Variants in RAB29 observed in about 807,000 individuals in gnomAD.
RAB29 encodes the protein ras-related protein Rab-29.
RAB29 carries 13 observed loss-of-function variants against 25.5 expected under a neutral mutation model. That is an observed-to-expected ratio of 0.51 (90% CI 0.33 to 0.81). RAB29 has a LOEUF of 0.81. Ranked by LOEUF, RAB29 falls within the 30% of genes least tolerant of loss-of-function variation. RAB29 has a pLI of 0.02. For synonymous variants in RAB29, 88 were observed against 95.0 expected, an observed-to-expected ratio of 0.93 and a Z score of 0.43; for missense variants, 201 against 254.9, an observed-to-expected ratio of 0.79 and a Z score of 1.44.
chr1:205,774,428 C>T (rs192488024), intron 2 of RAB29, among the ~76,000 whole-genome samples: 1 of 152,198 alleles, frequency 6.6e-6, no homozygotes, highest in Non-Finnish European at 1.5e-5. Flanking sequence ...CAGCCCCAGC[C>T]GGCACCTAAC....
At position 205,770,234 on chromosome 1, in the gene RAB29, A is replaced by G. The variant is rs565222321; in HGVS notation, c.*108T>C. On this transcript the variant is annotated 3_prime_UTR_variant, in exon 6 of 6. Transcript: ENST00000367139. ...ACAATGGGCCTCCTTACTGGACAGT[A>G]GTCAGGAGACAATTCAAATGTACTT... The G allele has an allele frequency of 3.4e-6, 3 of 887,470 alleles. No individual in the cohort carries two copies. Among genetic ancestry groups the G allele is most frequent in the East Asian group, 2.6e-5 (1 of 38,296 alleles). 55.0% of individuals were successfully genotyped at this position (887,470 alleles called of 1,614,324 possible).
chr1:205,771,946 CT>C (rs5780299), intron 3 of RAB29, among the ~76,000 whole-genome samples: 93,416 of 118,018 alleles, frequency 0.79, 36,745 homozygotes, highest in Non-Finnish European at 0.88. Context: ...AAAGCAGTCG[CT>C]TTTTTTTTTT....
rs1365202440 is a variant in RAB29, at chr1:205,768,946, C to T, written c.*1396G>A. ...CTTAGGACACTTATTTAAGGTCTATCACAGAACTTCAGGCCTCAGAGTTTA... is the reference window on the plus strand; with the variant it reads ...CTTAGGACACTTATTTAAGGTCTATTACAGAACTTCAGGCCTCAGAGTTTA... On this transcript the variant is annotated 3_prime_UTR_variant, in exon 6 of 6. Coordinates refer to ENST00000367139, the MANE Select transcript of RAB29 (RefSeq NM_003929.3). 3 of 152,168 alleles carry T rather than the reference C, an allele frequency of 2.0e-5. No individual in the cohort carries two copies. Among genetic ancestry groups the T allele is most frequent in the African/African-American group, 7.2e-5 (3 of 41,436 alleles). 9.4% of individuals were successfully genotyped at this position (152,168 alleles called of 1,614,324 possible).
At chr1:205,770,590 G>A in intron 5 of RAB29, 137 bp from the exon 6 acceptor site, 1 of 1,442,734 alleles carries the variant, frequency 6.9e-7, no homozygotes, top group Non-Finnish European at 9.5e-7. Context: ...GTTATCTCAG[G>A]AAAGACAGTA....
chr1:205,773,419 T>C (rs1655126131), intron 2 of RAB29, among the ~76,000 whole-genome samples: 2 of 152,132 alleles, frequency 1.3e-5, no homozygotes, highest in Admixed American at 1.3e-4. Flanking sequence ...CCCAAATCCG[T>C]GAAATAGGGA....
In RAB29 at chr1:205,770,462, CA is replaced by C. The variant is rs1196924002; in HGVS notation, c.501-10del. The C allele has an allele frequency of 1.9e-6, 3 of 1,609,174 alleles. No homozygotes were observed. In the African/African-American group the frequency reaches 4.0e-5, roughly 22 times the overall value. Reference sequence around the variant, plus strand: ...TCTTTTCAATGAGGACTCTAAAAGACAAAAAATAAGCCTGAGAAGCTTATTT... The same window carrying C: ...TCTTTTCAATGAGGACTCTAAAAGACAAAAATAAGCCTGAGAAGCTTATTT... On this transcript the variant is annotated splice_polypyrimidine_tract_variant and intron_variant, in intron 5 of 5. Transcript: ENST00000367139.
Position 205,774,921 on chromosome 1 carries a change from C to A in RAB29, c.36G>T (p.Val12=), listed in dbSNP as rs759682519. Residue 12 remains valine, a synonymous_variant, in exon 2 of 6, where the codon GTG becomes GTT. Coordinates refer to ENST00000367139, the MANE Select transcript of RAB29 (RefSeq NM_003929.3). ...GSRDHLFKVL[V]VGDAAVGKTS... is the part of the protein sequence containing the mutation. ...TCTTGCCCACTGCGGCGTCCCCCACCACCAGCACTTTGAACAGGTGGTCGC... is the reference window on the plus strand; with the variant it reads ...TCTTGCCCACTGCGGCGTCCCCCACAACCAGCACTTTGAACAGGTGGTCGC... The A allele has an allele frequency of 3.1e-6, 5 of 1,613,898 alleles. No individual in the cohort carries two copies. Among genetic ancestry groups the A allele is most frequent in the African/African-American group, 2.7e-5 (2 of 74,900 alleles).
rs1202357409 is a variant in RAB29, at chr1:205,771,565, G to C, written c.285C>G (p.Thr95=). Residue 95 remains threonine (T), a synonymous_variant, in exon 4 of 6, where the codon ACC becomes ACG. Coordinates refer to ENST00000367139, the MANE Select transcript of RAB29 (RefSeq NM_003929.3). ...VIMFDVTNAT[T]FSNSQRWKQD... ...GTTTCCACCTCTGGCTGTTGCTGAA[G>C]GTAGTGGCATTGGTAACGTCAAACA... 1.2e-6 allele frequency: 2 copies of C among 1,614,092 alleles called. No homozygotes were observed. Among genetic ancestry groups the C allele is most frequent in the Admixed American group, 3.3e-5 (2 of 60,028 alleles).
intron 2 of RAB29, among the ~76,000 whole-genome samples, chr1:205,773,857 A>G (rs77413631): frequency 0.013 from 1,917 of 152,152 alleles, 47 homozygotes; most frequent in African/African-American, 0.044. Flanking sequence ...AATGTTTGTT[A>G]ATTTCTTTTT....
Position 205,773,952 on chromosome 1 carries a change from A to G in RAB29, c.124+881T>C, listed in dbSNP as rs115542884. Among the ~76,000 whole-genome samples the G allele has an allele frequency of 3.0e-3, 455 of 152,292 alleles. 1 individual carries two copies. The highest frequency in any genetic ancestry group is 5.4e-3 in the Non-Finnish European group (365 of 68,036). The stretch of plus-strand genomic sequence containing the variant: ...CCCTTGAAACAAGTTCTTTTAACAG[A>G]GAGAAATAAAATTTTAAGTTACTCT... On this transcript the variant is annotated intron_variant, in intron 2 of 5. Transcript: ENST00000367139.
chr1:205,770,051 C>G lies in RAB29; in HGVS notation c.*291G>C, dbSNP rs527817575. On this transcript the variant is annotated 3_prime_UTR_variant, in exon 6 of 6. Transcript: ENST00000367139. ...ATCTCTAAAACGCAGGTGCTGATTT[C>G]TAATCCTTCTCATAAAATTCCGGAT... The G allele has an allele frequency of 2.2e-6, 1 of 456,632 alleles. No individual in the cohort carries two copies. Among genetic ancestry groups the G allele is most frequent in the South Asian group, 2.6e-5 (1 of 38,828 alleles). The allele number at this position is 456,632 out of a possible 1,614,324, so 28.3% of individuals were successfully genotyped here. A position where few individuals can be genotyped will look rare whatever the true frequency, so the allele number is the denominator to read the frequency against.
chr1:205,772,688 A>T (rs823142), intron 2 of RAB29, 121 bp from the exon 3 acceptor site: 832,906 of 896,554 alleles, frequency 0.93, 389,497 homozygotes, highest in Non-Finnish European at 0.97. Context: ...CATATGTTTA[A>T]CTTTAAGCCC....
chr1:205,772,617 T>G (rs1558069605), intron 2 of RAB29, 50 bp from the exon 3 acceptor site: 1 of 1,514,250 alleles, frequency 6.6e-7, no homozygotes, highest in Admixed American at 1.7e-5. Flanking sequence ...TGTAAAAAAT[T>G]AATAGGGATA....
chr1:205,771,747 G>A (rs2102475721), intron 3 of RAB29, 94 bp from the exon 4 acceptor site: 2 of 1,235,172 alleles, frequency 1.6e-6, no homozygotes, highest in African/African-American at 1.5e-5. Context: ...TGTCAGATGG[G>A]GCCACTCACT....
Position 205,768,067 on chromosome 1 carries a change from T to A in RAB29, c.*2275A>T, listed in dbSNP as rs1654800490. The A allele has an allele frequency of 6.6e-6, 1 of 152,196 alleles. No homozygotes were observed. The highest frequency in any genetic ancestry group is 1.5e-5 in the Non-Finnish European group (1 of 68,038). 9.4% of individuals were successfully genotyped at this position (152,196 alleles called of 1,614,324 possible). The stretch of plus-strand genomic sequence containing the variant: ...AAAATCAATTATCTCTTCATATCAA[T>A]GAAATTCACTATTTCACTATTATCT... On this transcript the variant is annotated 3_prime_UTR_variant, in exon 6 of 6. Transcript: ENST00000367139.
intron 2 of RAB29, among the ~76,000 whole-genome samples, chr1:205,773,753 G>A (rs895759403): frequency 1.3e-5 from 2 of 152,032 alleles, no homozygotes; most frequent in Non-Finnish European, 2.9e-5. Flanking sequence ...CAATCCTCCC[G>A]CCTCAGCCTC....
intron 2 of RAB29, 32 bp downstream of exon 2, chr1:205,774,801 C>T (rs746462684): frequency 1.8e-5 from 25 of 1,370,360 alleles, no homozygotes; most frequent in Non-Finnish European, 2.4e-5. Context: ...CTCCTCCTCC[C>T]CCTCCCCCTC....
At chr1:205,771,143 A>C in intron 4 of RAB29, 1 of 455,196 alleles carries the variant, frequency 2.2e-6, no homozygotes. Flanking sequence ...CTAAAAATAC[A>C]AAAAAATTAG....
intron 2 of RAB29, 53 bp downstream of exon 2, chr1:205,774,780 G>A: frequency 6.5e-7 from 1 of 1,534,570 alleles, no homozygotes; most frequent in Non-Finnish European, 8.8e-7. Flanking sequence ...GCTCGAGTCC[G>A]CGGTCGGGGC....
Sources: allele counts gnomAD v4.1 joint callset (sites outside exome capture counted in the v4.1 genomes callset), GRCh38; gene constraint gnomAD v4.1.1; transcripts MANE v1.5; gene names NCBI Gene and HGNC (gene_info 2026-07-23, HGNC 2026-07-21).